Variants in ANXA4 observed in about 807,000 individuals in gnomAD.
ANXA4 encodes annexin A4.
In ANXA4, 39 loss-of-function variants were observed where a neutral mutation model predicts 49.8. The ratio of observed to expected loss-of-function variants is 0.78; its 90% CI spans 0.61 to 1.02. ANXA4 has a LOEUF of 1.02. ANXA4 is among the 50% of genes least tolerant of loss of function. ANXA4 has a pLI of 0.00. For missense variants in ANXA4, 360 were observed against 410.1 expected (o/e 0.88, Z 1.05); for synonymous variants, 134 against 152.5 (o/e 0.88, Z 0.89).
intron 3 of ANXA4, among the ~76,000 whole-genome samples, chr2:69,728,721 T>C (rs578037942): frequency 6.6e-6 from 1 of 152,376 alleles, no homozygotes; most frequent in East Asian, 1.9e-4. Context: ...TCCGTTTGTC[T>C]ATTTCTCTAT....
chr2:69,662,427 C>G (rs1014507826), intron 2 of ANXA4, among the ~76,000 whole-genome samples: 3 of 152,034 alleles, frequency 2.0e-5, no homozygotes, highest in African/African-American at 2.4e-5. Context: ...GGATTAGGCT[C>G]CATCCCTGAG....
intron 3 of ANXA4, among the ~76,000 whole-genome samples, chr2:69,731,538 A>G (rs1670095346): frequency 6.6e-6 from 1 of 152,168 alleles, no homozygotes; most frequent in East Asian, 1.9e-4. Flanking sequence ...AAATGAGACC[A>G]TGTTGACCCC....
intron 2 of ANXA4, among the ~76,000 whole-genome samples, chr2:69,675,956 G>A (rs1175033357): frequency 2.0e-5 from 3 of 150,364 alleles, no homozygotes; most frequent in East Asian, 1.9e-4. Context: ...GCAGTGAGCC[G>A]AGATTGTGCC....
At chr2:69,665,032 G>A in intron 2 of ANXA4, among the ~76,000 whole-genome samples, 1 of 152,172 alleles carries the variant, frequency 6.6e-6, no homozygotes, top group East Asian at 1.9e-4. Context: ...GACCCTGGGA[G>A]GTGGAGGTTG....
intron 2 of ANXA4, among the ~76,000 whole-genome samples, chr2:69,657,395 G>C (rs951930335): frequency 6.6e-6 from 1 of 151,914 alleles, no homozygotes; most frequent in African/African-American, 2.4e-5. Context: ...GATATTTCTG[G>C]CATCTTATAA....
chr2:69,807,733 C>T (rs928860065), intron 5 of ANXA4, among the ~76,000 whole-genome samples, 173 bp from the exon 6 acceptor site: 2 of 152,180 alleles, frequency 1.3e-5, no homozygotes, highest in Non-Finnish European at 1.5e-5. Context: ...ATAATTGTTA[C>T]GGCAAACACT....
At chr2:69,643,808 G>C, upstream of ANXA4, 1 of 1,184,376 alleles carries the variant, frequency 8.4e-7, no homozygotes, top group South Asian at 4.3e-5. Flanking sequence ...GTGAACCGCC[G>C]CCGGAAGTGC....
chr2:69,666,832 G>C (rs2105333578), intron 2 of ANXA4, among the ~76,000 whole-genome samples: 1 of 152,266 alleles, frequency 6.6e-6, no homozygotes, highest in South Asian at 2.1e-4. Context: ...GATCACTTGA[G>C]GCCAGGAGTT....
intron 1 of ANXA4, among the ~76,000 whole-genome samples, chr2:69,756,765 G>C (rs933882992): frequency 6.6e-6 from 1 of 151,096 alleles, no homozygotes. Context: ...ATTAATTTTT[G>C]GTATAAAATA....
At chr2:69,767,270 T>C (rs140158246) in intron 1 of ANXA4, among the ~76,000 whole-genome samples, 167 of 152,354 alleles carry the variant, frequency 1.1e-3, no homozygotes, top group African/African-American at 3.7e-3. Context: ...ATAGTCTTAA[T>C]ATTGCTGGTG....
intron 1 of ANXA4, among the ~76,000 whole-genome samples, chr2:69,772,028 G>A (rs953125242): frequency 6.6e-6 from 1 of 152,174 alleles, no homozygotes; most frequent in Non-Finnish European, 1.5e-5. Flanking sequence ...TTAAGAAGCT[G>A]TAGTCACCCA....
chr2:69,814,743 G>GGTATGTGTGT (rs1168131518), intron 8 of ANXA4: 9 of 123,632 alleles, frequency 7.3e-5, no homozygotes, highest in African/African-American at 3.2e-4. Context: ...GACACAGAGG[G>GGTATGTGTGT]GTGTGTGTGT....
chr2:69,760,083 C>T (rs1181912495), intron 1 of ANXA4, among the ~76,000 whole-genome samples: 3 of 152,180 alleles, frequency 2.0e-5, no homozygotes, highest in East Asian at 1.9e-4. Context: ...CCACCCGCCT[C>T]GGCCTCCCAA....
intron 1 of ANXA4, among the ~76,000 whole-genome samples, chr2:69,756,162 T>G (rs747768459): frequency 2.6e-5 from 4 of 152,236 alleles, no homozygotes; most frequent in Non-Finnish European, 5.9e-5. Context: ...TGGCCTTACC[T>G]TGTGGGTTAG....
At position 69,781,354 on chromosome 2, in the gene ANXA4, A is replaced by G. The variant is rs118046082; in HGVS notation, c.-46-166A>G. On this transcript the variant is annotated intron_variant, in intron 1 of 12. Coordinates refer to ENST00000394295, the MANE Select transcript of ANXA4 (RefSeq NM_001153.5). ...GTTGACTTTTTTTAACAGTTTCTCT[A>G]ATTAGCCCATTCCTTGTATCTTTGG... is the stretch of plus-strand genomic sequence containing the variant. 474 of 613,832 alleles carry G rather than the reference A, an allele frequency of 7.7e-4. 3 individuals are homozygous for G. In the East Asian group the frequency reaches 0.013, roughly 17 times the overall value. The allele number at this position is 613,832 out of a possible 1,614,324, so 38.0% of individuals were successfully genotyped here.
chr2:69,774,294 A>G (rs928977731), intron 1 of ANXA4, among the ~76,000 whole-genome samples: 5 of 149,736 alleles, frequency 3.3e-5, no homozygotes, highest in Admixed American at 3.3e-4. Flanking sequence ...GTTTTGCAGC[A>G]GTAAGGTTAT....
At chr2:69,669,786 T>C (rs1677092375) in intron 2 of ANXA4, among the ~76,000 whole-genome samples, 3 of 152,198 alleles carry the variant, frequency 2.0e-5, no homozygotes, top group Admixed American at 2.0e-4. Flanking sequence ...CTCTGTTGCC[T>C]GGCTGGCCTC....
rs141251126 is a variant in ANXA4, at chr2:69,717,167, T to C, written n.767-3607T>C. 8.9e-3 allele frequency among the ~76,000 whole-genome samples: 1,359 copies of C among 152,330 alleles called. 22 individuals carry two copies. Among genetic ancestry groups the C allele is most frequent in the Non-Finnish European group, 0.012 (800 of 68,036 alleles). ...TGCAGGAGGTGGCTGAAGATGAATA[T>C]TCTCCAATTCATGCCCACTGAATAG... On this transcript the variant is annotated intron_variant and non_coding_transcript_variant, in intron 2 of 3. Transcript: ENST00000418066.
chr2:69,769,366 C>T (rs934145380), intron 1 of ANXA4, among the ~76,000 whole-genome samples: 2 of 152,236 alleles, frequency 1.3e-5, no homozygotes, highest in African/African-American at 2.4e-5. Flanking sequence ...GTTTTCACTA[C>T]TGTAGTATCT....
Sources: gnomAD v4.1 joint callset for allele counts (sites outside exome capture counted in the v4.1 genomes callset) on GRCh38, gnomAD v4.1.1 for gene constraint, MANE v1.5 for transcripts, NCBI Gene and HGNC (gene_info 2026-07-23, HGNC 2026-07-21) for gene names.